The following GNB1 variants were observed in gnomAD, a reference collection of about 807,000 sequenced individuals.
The protein encoded by GNB1 is guanine nucleotide-binding protein G(I)/G(S)/G(T) subunit beta-1.
In GNB1, 2 loss-of-function variants were observed where a neutral mutation model predicts 42.9. The ratio of observed to expected loss-of-function variants is 0.05; its 90% CI spans 0.02 to 0.15. The LOEUF is 0.15. Ranked by LOEUF, GNB1 falls within the 10% of genes least tolerant of loss-of-function variation. The pLI is 1.00. For synonymous variants in GNB1, 183 were observed against 174.7 expected, an observed-to-expected ratio of 1.05 and a Z score of -0.38; for missense variants, 193 against 462.2, an observed-to-expected ratio of 0.42 and a Z score of 5.34.
At position 1,790,561 on chromosome 1, in the gene GNB1, G is replaced by A; in HGVS notation, c.533C>T (p.Thr178Ile). Residue 178 changes from threonine (T) to isoleucine (I), a missense_variant, in exon 9 of 12, where the codon ACC (threonine) becomes ATC (isoleucine). This residue lies in a region of GNB1 where 150 missense variants were observed against 410.8 expected (regional missense o/e 0.37). Transcript: ENST00000378609. The surrounding 1 kb of genome is among the most constrained non-coding windows in gnomAD (Gnocchi z 5.4). The part of the protein sequence containing the change: ...LWDIETGQQT[T>I]TFTGHTGDVM... ...ATCTCCAGTGTGTCCGGTAAACGTG[G>A]TCGTCTGCTGGCCGGTCTCGATGTC... The A allele has an allele frequency of 6.2e-7, 1 of 1,613,822 alleles. No homozygotes were observed. Among genetic ancestry groups the A allele is most frequent in the Non-Finnish European group, 8.5e-7 (1 of 1,179,774 alleles).
chr1:1,877,698 T>C (rs900317139), intron 1 of GNB1, among the ~76,000 whole-genome samples: 3 of 151,902 alleles, frequency 2.0e-5, no homozygotes, highest in Middle Eastern at 3.4e-3. Flanking sequence ...AAGCTGAAAA[T>C]AAAACTGAGA....
At chr1:1,811,081 ATTTT>A (rs70937196) in intron 5 of GNB1, among the ~76,000 whole-genome samples, 1 of 73,146 alleles carries the variant, frequency 1.4e-5, no homozygotes, top group South Asian at 3.2e-4. Context: ...ATATATATAT[ATTTT>A]TTTTTTTTTT....
Position 1,790,494 on chromosome 1 carries a change from G to C in GNB1, c.600C>G (p.Val200=). The C allele has an allele frequency of 6.2e-7, 1 of 1,612,746 alleles. No individual in the cohort carries two copies. Among genetic ancestry groups the C allele is most frequent in the Non-Finnish European group, 8.5e-7 (1 of 1,178,786 alleles). The change falls in exon 9 of 12, where the codon GTC becomes GTG. Residue 200 remains valine, a synonymous_variant. Transcript: ENST00000378609. The surrounding 1 kb of genome is among the most constrained non-coding windows in gnomAD (Gnocchi z 5.4). ...LSLAPDTRLF[V]SGACDASAKL... ...TGGCTGAAGCATCACAAGCACCAGA[G>C]ACGAACAGTCTGGTGTCAGGAGCAA... is the stretch of plus-strand genomic sequence containing the variant.
chr1:1,798,927 T>TTC, intron 7 of GNB1, among the ~76,000 whole-genome samples: 1 of 149,176 alleles, frequency 6.7e-6, no homozygotes, highest in Admixed American at 6.7e-5. Flanking sequence ...CAAACACTCT[T>TTC]TTTTTTTTTT....
intron 1 of GNB1, among the ~76,000 whole-genome samples, chr1:1,847,737 G>A (rs75713516): frequency 0.012 from 1,893 of 152,190 alleles, 39 homozygotes; most frequent in African/African-American, 0.043. Context: ...CAGGATTTAC[G>A]AGAGCCAGAC....
intron 1 of GNB1, among the ~76,000 whole-genome samples, chr1:1,844,598 A>T (rs116405173): frequency 0.01 from 1,566 of 152,306 alleles, 28 homozygotes; most frequent in African/African-American, 0.035. Flanking sequence ...AGCTGCATTA[A>T]TATTTCTAAT....
rs546239936 is a variant in GNB1 at position 1,808,053 on chromosome 1, G to C, written c.204-1515C>G. ...ATGGAGTTTTGCTTTTGTTGCCCAG[G>C]CTGGAGTGCAATGGTGCGTCGGCTC... On this transcript the variant is annotated intron_variant, in intron 5 of 11. Coordinates refer to ENST00000378609, the MANE Select transcript of GNB1 (RefSeq NM_002074.5). Among the ~76,000 whole-genome samples the C allele has an allele frequency of 9.2e-5, 14 of 152,076 alleles. No homozygotes were observed. In the South Asian group the frequency reaches 2.7e-3, roughly 29 times the overall value.
In GNB1 at chr1:1,883,736, T is replaced by C. The variant is rs374931360; in HGVS notation, c.-96+7084A>G. On this transcript the variant is annotated intron_variant, in intron 1 of 11. Coordinates refer to ENST00000378609, the MANE Select transcript of GNB1 (RefSeq NM_002074.5). ...CTCCTGTGGAGTGGAAGGGTAGAAG[T>C]TGAACTGATCTTGATTTTCAGTGCG... Among the ~76,000 whole-genome samples, 20 of 152,292 alleles carry C rather than the reference T, an allele frequency of 1.3e-4. No homozygotes were observed. The East Asian group carries it at 3.3e-3, about 25-fold the overall frequency.
intron 3 of GNB1, among the ~76,000 whole-genome samples, chr1:1,823,579 G>C (rs1298275149): frequency 1.3e-5 from 2 of 152,062 alleles, no homozygotes; most frequent in Non-Finnish European, 2.9e-5. Flanking sequence ...TCTGATCAGA[G>C]CAAACTATTA....
chr1:1,815,182 G>C (rs755964622), intron 5 of GNB1, among the ~76,000 whole-genome samples: 10 of 152,052 alleles, frequency 6.6e-5, no homozygotes, highest in Non-Finnish European at 1.5e-4. Flanking sequence ...CTCTTGGGAT[G>C]GTAAACCAAA....
rs1034522444 is a variant in GNB1 at position 1,854,396 on chromosome 1, CA to C, written c.-95-15159del. Among the ~76,000 whole-genome samples, 14 of 152,266 alleles carry C rather than the reference CA, an allele frequency of 9.2e-5. No homozygotes were observed. The Middle Eastern group carries it at 0.01, about 111-fold the overall frequency. Reference sequence around the variant, plus strand: ...CACTTCTACCTCTGAATGTGAGAGACAAATTAACTTTATTGTCTCCATCCTG... The same window carrying C: ...CACTTCTACCTCTGAATGTGAGAGACAATTAACTTTATTGTCTCCATCCTG... On this transcript the variant is annotated intron_variant, in intron 1 of 11. Transcript: ENST00000378609.
intron 4 of GNB1, among the ~76,000 whole-genome samples, chr1:1,816,300 C>T (rs1398230684): frequency 6.6e-6 from 1 of 152,196 alleles, no homozygotes; most frequent in Admixed American, 6.5e-5. Flanking sequence ...TGCATGACAC[C>T]TGCTTCTGCA....
At chr1:1,850,291 C>A (rs1647910896) in intron 1 of GNB1, among the ~76,000 whole-genome samples, 1 of 152,006 alleles carries the variant, frequency 6.6e-6, no homozygotes, top group African/African-American at 2.4e-5. Context: ...CCATCACACC[C>A]TGCTAATTTT....
intron 9 of GNB1, 37 bp from the exon 10 acceptor site, chr1:1,789,306 G>T: frequency 8.4e-7 from 1 of 1,189,692 alleles, no homozygotes; most frequent in Non-Finnish European, 1.3e-6. Context: ...TCATGTAAAC[G>T]CTCAGAAAGA....
At chr1:1,803,590 C>T (rs905354142) in intron 7 of GNB1, among the ~76,000 whole-genome samples, 5 of 152,198 alleles carry the variant, frequency 3.3e-5, no homozygotes, top group African/African-American at 4.8e-5. Context: ...CGCAAATCCA[C>T]AGGTTTCTTA....
At chr1:1,831,785 G>A (rs944006726) in intron 2 of GNB1, among the ~76,000 whole-genome samples, 2 of 151,202 alleles carry the variant, frequency 1.3e-5, no homozygotes, top group Admixed American at 6.6e-5. Context: ...AGGTCTGGGC[G>A]CGGTGGCTCA....
intron 5 of GNB1, among the ~76,000 whole-genome samples, chr1:1,808,135 G>C (rs950905377): frequency 3.3e-5 from 5 of 152,030 alleles, no homozygotes; most frequent in African/African-American, 4.8e-5. Flanking sequence ...CTCCAAAGTA[G>C]CTGGGATTAC....
At chr1:1,821,170 G>A (rs1258836436) in intron 3 of GNB1, among the ~76,000 whole-genome samples, 1 of 152,190 alleles carries the variant, frequency 6.6e-6, no homozygotes, top group Non-Finnish European at 1.5e-5. Flanking sequence ...GCTCAGCATG[G>A]AGTCGCTGGA....
chr1:1,824,140 C>T (rs1646967114), intron 3 of GNB1, among the ~76,000 whole-genome samples: 2 of 152,198 alleles, frequency 1.3e-5, no homozygotes, highest in Non-Finnish European at 2.9e-5. Context: ...ATCAAATGGA[C>T]AAAACCTAAA....
Sources: gnomAD v4.1 joint callset for allele counts (sites outside exome capture counted in the v4.1 genomes callset) on GRCh38, gnomAD v4.1.1 for gene constraint, gnomAD v4.1.1 regional missense constraint, Gnocchi (gnomAD v3.1) non-coding constraint, MANE v1.5 for transcripts, NCBI Gene and HGNC (gene_info 2026-07-23, HGNC 2026-07-21) for gene names.